The following SNTB2 variants were observed in gnomAD, a reference collection of about 807,000 sequenced individuals.
SNTB2 encodes beta-2-syntrophin.
In SNTB2, 34 loss-of-function variants were observed where a neutral mutation model predicts 46.2. The observed-to-expected ratio is 0.74, with a 90% CI of 0.56 to 0.98. SNTB2 has a LOEUF of 0.98. SNTB2 is among the 50% of genes least tolerant of loss of function. The pLI is 0.00. For synonymous variants in SNTB2, 290 were observed against 312.6 expected, an observed-to-expected ratio of 0.93 and a Z score of 0.76; for missense variants, 603 against 731.4, an observed-to-expected ratio of 0.82 and a Z score of 2.02.
intron 2 of SNTB2, among the ~76,000 whole-genome samples, chr16:69,257,339 A>G (rs1018623325): frequency 3.9e-5 from 6 of 152,084 alleles, no homozygotes; most frequent in African/African-American, 1.2e-4. Flanking sequence ...AAAACTTTTT[A>G]TCTGAAAGTT....
chr16:69,256,894 G>T (rs543733156), intron 2 of SNTB2, among the ~76,000 whole-genome samples: 1 of 152,166 alleles, frequency 6.6e-6, no homozygotes, highest in Non-Finnish European at 1.5e-5. Context: ...TTAAGGCCAG[G>T]CACAGTGGCT....
chr16:69,290,524 GAAGA>G (rs1862966304), intron 5 of SNTB2, among the ~76,000 whole-genome samples: 1 of 152,146 alleles, frequency 6.6e-6, no homozygotes, highest in African/African-American at 2.4e-5. Flanking sequence ...TAAAATATAT[GAAGA>G]AAGAGTTTTC....
At chr16:69,216,958 CA>C in intron 1 of SNTB2, among the ~76,000 whole-genome samples, 1 of 152,272 alleles carries the variant, frequency 6.6e-6, no homozygotes, top group Non-Finnish European at 1.5e-5. Flanking sequence ...TTAGTACTTC[CA>C]ATGGCTCAAA....
intron 1 of SNTB2, among the ~76,000 whole-genome samples, chr16:69,205,397 A>C (rs1964206670): frequency 6.8e-6 from 1 of 147,070 alleles, no homozygotes; most frequent in African/African-American, 2.5e-5. Context: ...ACGGGGTTTC[A>C]CCACGTTGGC....
intron 1 of SNTB2, among the ~76,000 whole-genome samples, chr16:69,210,343 T>C (rs900459778): frequency 6.7e-6 from 1 of 150,174 alleles, no homozygotes; most frequent in Non-Finnish European, 1.5e-5. Context: ...GTTCAAGCTA[T>C]TCTCCTGTCT....
At chr16:69,291,645 G>T (rs1965159979) in intron 5 of SNTB2, among the ~76,000 whole-genome samples, 1 of 152,114 alleles carries the variant, frequency 6.6e-6, no homozygotes, top group Non-Finnish European at 1.5e-5. Context: ...GGAGTTTGAG[G>T]CTGCGGTGAA....
At chr16:69,256,496 T>G (rs1372973723) in intron 2 of SNTB2, among the ~76,000 whole-genome samples, 1 of 152,218 alleles carries the variant, frequency 6.6e-6, no homozygotes, top group East Asian at 1.9e-4. Context: ...TCACCCTTCC[T>G]TCAGCTCCTG....
intron 3 of SNTB2, among the ~76,000 whole-genome samples, chr16:69,268,986 A>G (rs867413641): frequency 7.9e-5 from 12 of 151,718 alleles, no homozygotes; most frequent in African/African-American, 2.9e-4. Flanking sequence ...CCTGACCAAC[A>G]TGGAGAAACC....
chr16:69,250,109 G>T (rs1597186870), intron 2 of SNTB2, among the ~76,000 whole-genome samples: 1 of 152,080 alleles, frequency 6.6e-6, no homozygotes, highest in African/African-American at 2.4e-5. Context: ...AAAAAATTTT[G>T]CAAATGATTT....
intron 1 of SNTB2, among the ~76,000 whole-genome samples, chr16:69,196,663 G>A (rs1046409293): frequency 4.6e-5 from 7 of 152,102 alleles, no homozygotes; most frequent in South Asian, 2.1e-4. Context: ...GTGAGCCACC[G>A]CACCTGGCCA....
chr16:69,300,614 C>A (rs1965269706), intron 6 of SNTB2, among the ~76,000 whole-genome samples: 1 of 152,188 alleles, frequency 6.6e-6, no homozygotes, highest in Non-Finnish European at 1.5e-5. Context: ...AGTACACCAC[C>A]AGTTGTCTCC....
intron 1 of SNTB2, among the ~76,000 whole-genome samples, chr16:69,239,533 A>T (rs1449807357): frequency 1.3e-5 from 2 of 151,506 alleles, no homozygotes; most frequent in South Asian, 2.1e-4. Flanking sequence ...CACTGAATTT[A>T]TTTTTATTTA....
In SNTB2 at chr16:69,292,392, A is replaced by ATATATATAT. The variant is rs1965174563; in HGVS notation, c.1346-7197_1346-7189dup. 1.1e-4 allele frequency among the ~76,000 whole-genome samples: 3 copies of ATATATATAT among 26,362 alleles called. 1 individual carries two copies. The highest frequency in any genetic ancestry group is 3.4e-4 in the African/African-American group (1 of 2,942). The allele number at this position is 26,362 out of a possible 152,430, so 17.3% of individuals were successfully genotyped here. On this transcript the variant is annotated intron_variant, in intron 5 of 6. Coordinates refer to ENST00000336278, the MANE Select transcript of SNTB2 (RefSeq NM_006750.4). ...TATATATATATATTATATATATATT[A>ATATATATAT]TATATATATATATATTATATATATA...
intron 1 of SNTB2, among the ~76,000 whole-genome samples, chr16:69,242,463 TA>T (rs748756983): frequency 3.3e-5 from 5 of 152,228 alleles, no homozygotes; most frequent in African/African-American, 4.8e-5. Context: ...GGTCTCAGAA[TA>T]AGTTTTCTTC....
At chr16:69,267,131 G>A (rs1272587146) in intron 3 of SNTB2, among the ~76,000 whole-genome samples, 3 of 151,732 alleles carry the variant, frequency 2.0e-5, no homozygotes, top group South Asian at 2.1e-4. Context: ...GGGTTCAAGC[G>A]ATTCTCCTGC....
chr16:69,256,962 G>A (rs144041038), intron 2 of SNTB2, among the ~76,000 whole-genome samples: 3,495 of 152,180 alleles, frequency 0.023, 135 homozygotes, highest in African/African-American at 0.08. Context: ...TTGAGGTCAG[G>A]AGTTCGAGAC....
chr16:69,280,884 G>A (rs985035245), intron 4 of SNTB2, among the ~76,000 whole-genome samples: 1 of 150,742 alleles, frequency 6.6e-6, no homozygotes, highest in Non-Finnish European at 1.5e-5. Flanking sequence ...TGTAAGCTCT[G>A]CCTCCCGGGT....
chr16:69,273,422 C>G (rs576608425), intron 4 of SNTB2, among the ~76,000 whole-genome samples: 82 of 152,334 alleles, frequency 5.4e-4, no homozygotes, highest in Non-Finnish European at 1.0e-3. Context: ...CTGATACATT[C>G]TGCAGTGTAG....
At chr16:69,295,719 G>T (rs538133690) in intron 5 of SNTB2, among the ~76,000 whole-genome samples, 1 of 150,346 alleles carries the variant, frequency 6.7e-6, no homozygotes, top group Non-Finnish European at 1.5e-5. Flanking sequence ...TACTAAATGG[G>T]GAATTTATAC....
Sources: allele counts gnomAD v4.1 joint callset (sites outside exome capture counted in the v4.1 genomes callset), GRCh38; gene constraint gnomAD v4.1.1; transcripts MANE v1.5; gene names NCBI Gene and HGNC (gene_info 2026-07-23, HGNC 2026-07-21).